The following TMEM266 variants were observed in gnomAD, a reference collection of about 807,000 sequenced individuals.
TMEM266 encodes the protein transmembrane protein 266, also known as Hv1 related protein 1.
Under a neutral mutation model 50.5 loss-of-function variants are expected in TMEM266, and 33 were observed. The observed-to-expected ratio is 0.65, with a 90% CI of 0.50 to 0.87. TMEM266 has a LOEUF of 0.87. Ranked by LOEUF, TMEM266 falls within the 40% of genes least tolerant of loss-of-function variation. TMEM266 has a pLI of 0.00. For synonymous variants in TMEM266, 310 were observed against 292.3 expected (o/e 1.06, Z -0.62); for missense variants, 655 against 695.1 (o/e 0.94, Z 0.65).
In TMEM266 at chr15:76,080,593, C is replaced by T. The variant is rs139608001; in HGVS notation, c.-97+20577C>T. Reference sequence around the variant, plus strand: ...GGGAACAACTACCTGCCCATTGAGCCCTCCTGCCGTCCTCTCATTAGGATT... The same window carrying T: ...GGGAACAACTACCTGCCCATTGAGCTCTCCTGCCGTCCTCTCATTAGGATT... On this transcript the variant is annotated intron_variant, in intron 1 of 10. Coordinates refer to ENST00000388942, the MANE Select transcript of TMEM266 (RefSeq NM_152335.3). Among the ~76,000 whole-genome samples, 17 of 151,678 alleles carry T rather than the reference C, an allele frequency of 1.1e-4. No homozygotes were observed. The East Asian group carries it at 3.4e-3, about 30-fold the overall frequency.
chr15:76,163,773 G>C (rs1351787627), intron 5 of TMEM266, among the ~76,000 whole-genome samples: 2 of 152,204 alleles, frequency 1.3e-5, no homozygotes, highest in Admixed American at 1.3e-4. Context: ...GGCAGCCCCA[G>C]CTCTTTCCCT....
chr15:76,185,271 C>T (rs1323945492), intron 8 of TMEM266, among the ~76,000 whole-genome samples: 2 of 152,184 alleles, frequency 1.3e-5, no homozygotes, highest in African/African-American at 4.8e-5. Context: ...GATTATGTCT[C>T]ACGTTTCTCT....
chr15:76,164,046 G>T (rs1484161118), intron 5 of TMEM266, among the ~76,000 whole-genome samples: 1 of 152,040 alleles, frequency 6.6e-6, no homozygotes, highest in Non-Finnish European at 1.5e-5. Flanking sequence ...CACTCCCCCT[G>T]CCCCCTATAC....
chr15:76,090,199 A>G (rs35233980), intron 1 of TMEM266, among the ~76,000 whole-genome samples: 33,843 of 151,948 alleles, frequency 0.22, 4,223 homozygotes, highest in Non-Finnish European at 0.27. Flanking sequence ...GTATTGAAAG[A>G]TTGGGAAGAG....
intron 1 of TMEM266, among the ~76,000 whole-genome samples, chr15:76,104,358 C>T (rs1237851988): frequency 1.9e-4 from 29 of 152,222 alleles, no homozygotes; most frequent in Admixed American, 1.9e-3. Context: ...GCACAAGCCA[C>T]GTTTCACATT....
At chr15:76,199,108 A>G (rs577340832) in intron 9 of TMEM266, among the ~76,000 whole-genome samples, 1 of 152,360 alleles carries the variant, frequency 6.6e-6, no homozygotes, top group Non-Finnish European at 1.5e-5. Context: ...TCACAGGGCC[A>G]GGGGTCCCTC....
chr15:76,073,481 C>T lies in TMEM266; in HGVS notation c.-97+13465C>T, dbSNP rs191289341. Among the ~76,000 whole-genome samples, 594 of 152,344 alleles carry T rather than the reference C, an allele frequency of 3.9e-3. 8 individuals carry two copies. The highest frequency in any genetic ancestry group is 0.014 in the African/African-American group (569 of 41,576). On this transcript the variant is annotated intron_variant, in intron 1 of 10. Coordinates refer to ENST00000388942, the MANE Select transcript of TMEM266 (RefSeq NM_152335.3). ...CTCCTGGCCTCAAGTGATCCACCCACCTTGGCCTCCCAAACTGCTGGGATT... is the reference window on the plus strand; with the variant it reads ...CTCCTGGCCTCAAGTGATCCACCCATCTTGGCCTCCCAAACTGCTGGGATT...
At position 76,107,395 on chromosome 15, in the gene TMEM266, T is replaced by C. The variant is rs905027432; in HGVS notation, c.-96-26773T>C. On this transcript the variant is annotated intron_variant, in intron 1 of 10. Transcript: ENST00000388942. The stretch of plus-strand genomic sequence containing the variant: ...TCGCTCACACAGGGCACATGGTAAA[T>C]GTCTAATAAGTGACTGCGTTGAGTA... 5.9e-5 allele frequency among the ~76,000 whole-genome samples: 9 copies of C among 152,152 alleles called. No homozygotes were observed. The South Asian group carries it at 1.0e-3, about 18-fold the overall frequency.
intron 3 of TMEM266, among the ~76,000 whole-genome samples, chr15:76,147,600 G>A (rs577579591): frequency 2.0e-5 from 3 of 152,266 alleles, no homozygotes; most frequent in South Asian, 2.1e-4. Context: ...AGTAGGCTCC[G>A]GTTTCAAGGA....
chr15:76,111,698 A>G (rs955847607), intron 1 of TMEM266, among the ~76,000 whole-genome samples: 1 of 152,200 alleles, frequency 6.6e-6, no homozygotes, highest in Non-Finnish European at 1.5e-5. Context: ...ATGCGCCACC[A>G]TGCCCGGCCA....
chr15:76,081,040 G>A (rs893232842), intron 1 of TMEM266, among the ~76,000 whole-genome samples: 8 of 152,034 alleles, frequency 5.3e-5, no homozygotes, highest in African/African-American at 1.7e-4. Flanking sequence ...ATGAGCCTCC[G>A]TACCCAGCAC....
At chr15:76,158,274 G>T (rs1430794790) in intron 4 of TMEM266, among the ~76,000 whole-genome samples, 1 of 152,210 alleles carries the variant, frequency 6.6e-6, no homozygotes, top group African/African-American at 2.4e-5. Context: ...GATAAGCCTA[G>T]TTGGGTTTTA....
chr15:76,170,843 G>T, intron 6 of TMEM266, 150 bp from the exon 7 acceptor site: 4 of 827,702 alleles, frequency 4.8e-6, no homozygotes, highest in Non-Finnish European at 7.4e-6. Flanking sequence ...ACTCAGGAGG[G>T]TCAGGAGGGG....
chr15:76,130,811 C>G (rs1005998546), intron 1 of TMEM266, among the ~76,000 whole-genome samples: 2 of 151,704 alleles, frequency 1.3e-5, no homozygotes, highest in East Asian at 3.8e-4. Flanking sequence ...AATTTTCCTT[C>G]CTAAAAAGTT....
At chr15:76,076,834 A>G (rs1185194682) in intron 1 of TMEM266, among the ~76,000 whole-genome samples, 1 of 152,152 alleles carries the variant, frequency 6.6e-6, no homozygotes, top group African/African-American at 2.4e-5. Context: ...ATTACAATTT[A>G]TAATAGGCTG....
chr15:76,142,218 G>A (rs193073514), intron 3 of TMEM266, among the ~76,000 whole-genome samples: 7 of 152,234 alleles, frequency 4.6e-5, no homozygotes, highest in African/African-American at 7.2e-5. Flanking sequence ...GCAAAACCCC[G>A]TCACTACTAA....
In TMEM266 at chr15:76,097,403, T is replaced by C. The variant is rs150371687; in HGVS notation, c.-96-36765T>C. Among the ~76,000 whole-genome samples the C allele has an allele frequency of 1.3e-3, 200 of 152,184 alleles. 1 individual carries two copies. The highest frequency in any genetic ancestry group is 4.5e-3 in the African/African-American group (186 of 41,562). ...GTTTGGCTGGATATGAAATTCTGGG[T>C]TGAAAATTCTTTTCTTTAATAATGT... On this transcript the variant is annotated intron_variant, in intron 1 of 10. Coordinates refer to ENST00000388942, the MANE Select transcript of TMEM266 (RefSeq NM_152335.3).
At chr15:76,199,928 T>C (rs2038718094) in intron 9 of TMEM266, among the ~76,000 whole-genome samples, 1 of 152,180 alleles carries the variant, frequency 6.6e-6, no homozygotes, top group South Asian at 2.1e-4. Flanking sequence ...GGCTGTCATG[T>C]AGACCGTGAG....
intron 1 of TMEM266, among the ~76,000 whole-genome samples, chr15:76,108,761 C>A (rs1004776973): frequency 5.3e-5 from 8 of 152,168 alleles, no homozygotes; most frequent in African/African-American, 1.9e-4. Flanking sequence ...GGTATCCAGG[C>A]TCATGTTTCC....
Sources: allele counts gnomAD v4.1 joint callset (sites outside exome capture counted in the v4.1 genomes callset), GRCh38; gene constraint gnomAD v4.1.1; transcripts MANE v1.5; gene names NCBI Gene and HGNC (gene_info 2026-07-23, HGNC 2026-07-21).